The following CNTN4 variants were observed in gnomAD, a reference collection of about 807,000 sequenced individuals.
The protein encoded by CNTN4 is contactin-4.
In CNTN4, 77 loss-of-function variants were observed where a neutral mutation model predicts 122.5. That is an observed-to-expected ratio of 0.63 (90% CI 0.52 to 0.76). The LOEUF is 0.76. Among genes scored for constraint, CNTN4 ranks in the 30% least tolerant of loss-of-function variants. The pLI, the probability that CNTN4 is intolerant of heterozygous loss-of-function variation, is 0.00. For missense variants in CNTN4, 1,256 were observed against 1,259.1 expected (o/e 1.00, Z 0.04); for synonymous variants, 512 against 447.0 (o/e 1.15, Z -1.83).
intron 2 of CNTN4, chr3:2,262,546 A>G (rs941258099): frequency 3.3e-5 from 5 of 150,888 alleles, no homozygotes; most frequent in African/African-American, 4.9e-5. Context: ...ATAATTTACT[A>G]TCTGTCCTTT....
intron 13 of CNTN4, among the ~76,000 whole-genome samples, chr3:2,960,411 T>G (rs181445997): frequency 3.9e-5 from 6 of 152,262 alleles, no homozygotes; most frequent in Admixed American, 1.3e-4. Context: ...TTGTTTTTTG[T>G]TTTTGGTTAA....
chr3:2,708,483 G>T (rs1184958869), intron 4 of CNTN4, among the ~76,000 whole-genome samples: 2 of 152,162 alleles, frequency 1.3e-5, no homozygotes. Flanking sequence ...AGAGAATTAG[G>T]TTATCTCTAG....
chr3:2,811,812 C>T (rs77451415), intron 6 of CNTN4, among the ~76,000 whole-genome samples: 13,503 of 150,826 alleles, frequency 0.09, 1,052 homozygotes, highest in East Asian at 0.31. Context: ...GACTACAGCA[C>T]ATGTCACCAT....
chr3:2,809,776 C>G (rs754497852), intron 6 of CNTN4, among the ~76,000 whole-genome samples: 1 of 152,140 alleles, frequency 6.6e-6, no homozygotes, highest in Middle Eastern at 3.2e-3. Context: ...TTGTAGTAAC[C>G]TCATGAGTTA....
chr3:2,443,237 T>G (rs1422038886), intron 3 of CNTN4, among the ~76,000 whole-genome samples: 2 of 152,150 alleles, frequency 1.3e-5, no homozygotes, highest in African/African-American at 4.8e-5. Flanking sequence ...GGAAAAAGTT[T>G]TCTTTGACAA....
intron 4 of CNTN4, among the ~76,000 whole-genome samples, chr3:2,592,191 G>T (rs1489870651): frequency 6.6e-6 from 1 of 152,094 alleles, no homozygotes; most frequent in African/African-American, 2.4e-5. Context: ...TTCATTAAAG[G>T]TTTTCAGCTT....
At chr3:2,634,143 C>T (rs1176168665) in intron 4 of CNTN4, among the ~76,000 whole-genome samples, 2 of 152,162 alleles carry the variant, frequency 1.3e-5, no homozygotes, top group African/African-American at 2.4e-5. Context: ...TTTCACTACA[C>T]AAATGTATTA....
At chr3:2,545,178 G>C (rs193198718) in intron 3 of CNTN4, among the ~76,000 whole-genome samples, 2 of 152,108 alleles carry the variant, frequency 1.3e-5, no homozygotes, top group East Asian at 3.9e-4. Flanking sequence ...TAATTGTATG[G>C]GTTTGAGAGA....
intron 6 of CNTN4, among the ~76,000 whole-genome samples, chr3:2,818,283 A>G (rs13078475): frequency 0.69 from 105,323 of 152,150 alleles, 36,609 homozygotes; most frequent in Non-Finnish European, 0.73. Flanking sequence ...ACATGTCTAT[A>G]TGTAACTTTT....
intron 4 of CNTN4, among the ~76,000 whole-genome samples, chr3:2,663,107 A>G (rs1001240735): frequency 6.2e-5 from 3 of 48,628 alleles, no homozygotes. Flanking sequence ...GTCTCAGAAG[A>G]AAAAAAAAAG....
intron 6 of CNTN4, among the ~76,000 whole-genome samples, chr3:2,751,271 G>A (rs1003030447): frequency 6.6e-6 from 1 of 152,142 alleles, no homozygotes; most frequent in South Asian, 2.1e-4. Context: ...TCACACCAGT[G>A]CACTCCAGCC....
At chr3:2,569,547 T>C (rs1212075412) in intron 3 of CNTN4, among the ~76,000 whole-genome samples, 1 of 152,174 alleles carries the variant, frequency 6.6e-6, no homozygotes, top group Admixed American at 6.5e-5. Flanking sequence ...ATATATTTTT[T>C]TACATGAAAG....
chr3:2,476,745 A>G (rs2075845393), intron 3 of CNTN4, among the ~76,000 whole-genome samples: 1 of 152,200 alleles, frequency 6.6e-6, no homozygotes, highest in Admixed American at 6.5e-5. Flanking sequence ...TGATTGTGCT[A>G]TTCTTTAAAT....
At chr3:2,628,211 T>C (rs996161391) in intron 4 of CNTN4, among the ~76,000 whole-genome samples, 8 of 152,210 alleles carry the variant, frequency 5.3e-5, no homozygotes, top group Admixed American at 2.6e-4. Context: ...TCGGTACCCC[T>C]TTTAGCAGAA....
At chr3:2,693,092 A>G (rs1440025536) in intron 4 of CNTN4, among the ~76,000 whole-genome samples, 1 of 152,202 alleles carries the variant, frequency 6.6e-6, no homozygotes, top group African/African-American at 2.4e-5. Flanking sequence ...TATTTTTGAT[A>G]CATTGCAAAG....
intron 14 of CNTN4, among the ~76,000 whole-genome samples, chr3:3,019,892 G>A (rs1698139154): frequency 6.6e-6 from 1 of 150,874 alleles, no homozygotes; most frequent in Non-Finnish European, 1.5e-5. Flanking sequence ...ATTAGCTACT[G>A]AGGAGTGTAT....
At chr3:2,594,951 T>A (rs1576147107) in intron 4 of CNTN4, among the ~76,000 whole-genome samples, 1 of 152,170 alleles carries the variant, frequency 6.6e-6, no homozygotes, top group African/African-American at 2.4e-5. Flanking sequence ...ATTGGAAAAG[T>A]CATCACCTTT....
rs185862930 is a variant in CNTN4, at chr3:2,186,828, C to T, written c.-145+86189C>T. The stretch of plus-strand genomic sequence containing the variant: ...GTTCTTTGTAGATTCTGGATATTAG[C>T]CTTTGTCAGATGAGTAGATTGCAAA... On this transcript the variant is annotated intron_variant, in intron 2 of 24. Coordinates refer to ENST00000418658, the MANE Select transcript of CNTN4 (RefSeq NM_175607.3). Among the ~76,000 whole-genome samples the T allele has an allele frequency of 1.1e-3, 162 of 152,132 alleles. 2 individuals are homozygous for T. Among genetic ancestry groups the T allele is most frequent in the African/African-American group, 3.7e-3 (152 of 41,492 alleles).
At chr3:2,882,164 A>C (rs1173250902) in intron 8 of CNTN4, among the ~76,000 whole-genome samples, 1 of 152,164 alleles carries the variant, frequency 6.6e-6, no homozygotes, top group Non-Finnish European at 1.5e-5. Flanking sequence ...GGAGTTGGAG[A>C]CCAGCCTGGC....
Sources: allele counts gnomAD v4.1 joint callset (sites outside exome capture counted in the v4.1 genomes callset), GRCh38; gene constraint gnomAD v4.1.1; transcripts MANE v1.5; gene names NCBI Gene and HGNC (gene_info 2026-07-23, HGNC 2026-07-21).